UNC5D: variants seen among roughly 807,000 people sequenced by gnomAD.
The protein encoded by UNC5D is netrin receptor UNC5D.
A neutral mutation model predicts 105.4 loss-of-function variants in UNC5D; 39 were observed. The observed-to-expected ratio is 0.37, with a 90% CI of 0.29 to 0.48. The LOEUF (loss-of-function observed/expected upper bound fraction) is 0.48, where lower values mean the gene tolerates loss of function less well. Among genes scored for constraint, UNC5D ranks in the 20% least tolerant of loss-of-function variants. The pLI, the probability that UNC5D is intolerant of heterozygous loss-of-function variation, is 0.98. For missense variants in UNC5D, 991 were observed against 1,202.4 expected (o/e 0.82, Z 2.60); for synonymous variants, 452 against 450.4 (o/e 1.00, Z -0.04).
At chr8:35,284,590 T>C (rs1015795765) in intron 1 of UNC5D, among the ~76,000 whole-genome samples, 2 of 152,202 alleles carry the variant, frequency 1.3e-5, no homozygotes, top group African/African-American at 4.8e-5. Context: ...AGTCTCACTC[T>C]GTCGCCCAGG....
At chr8:35,508,999 T>G (rs1271537051) in intron 1 of UNC5D, among the ~76,000 whole-genome samples, 2 of 152,220 alleles carry the variant, frequency 1.3e-5, no homozygotes. Flanking sequence ...AAAAATTACT[T>G]ATTTTCTTTG....
chr8:35,651,741 T>C (rs1823416725), intron 4 of UNC5D, among the ~76,000 whole-genome samples: 2 of 152,174 alleles, frequency 1.3e-5, no homozygotes, highest in South Asian at 2.1e-4. Context: ...TAGTTTTGAA[T>C]TTTGTATAGG....
intron 1 of UNC5D, among the ~76,000 whole-genome samples, chr8:35,458,372 G>A (rs1280516028): frequency 5.3e-5 from 8 of 152,116 alleles, no homozygotes; most frequent in African/African-American, 1.7e-4. Flanking sequence ...TCTTGACCCT[G>A]ACAGTTGCTT....
intron 9 of UNC5D, chr8:35,724,065 A>G: frequency 1.5e-6 from 2 of 1,295,828 alleles, no homozygotes; most frequent in Non-Finnish European, 2.0e-6. Context: ...TTACCCTAGT[A>G]CAGGATGCCA....
intron 4 of UNC5D, among the ~76,000 whole-genome samples, chr8:35,618,914 C>G (rs1014784647): frequency 6.6e-6 from 1 of 152,174 alleles, no homozygotes; most frequent in African/African-American, 2.4e-5. Context: ...CCCCTCCACA[C>G]CCCCATTGGT....
At chr8:35,257,248 C>A (rs115665856) in intron 1 of UNC5D, among the ~76,000 whole-genome samples, 2 of 152,068 alleles carry the variant, frequency 1.3e-5, no homozygotes, top group South Asian at 4.1e-4. Context: ...AGATTACAGG[C>A]GTCAGCCAAC....
intron 1 of UNC5D, among the ~76,000 whole-genome samples, chr8:35,269,478 C>T (rs982056657): frequency 1.1e-4 from 17 of 152,204 alleles, no homozygotes; most frequent in African/African-American, 2.9e-4. Context: ...GCAGCTCCCA[C>T]GGTCACCATT....
At chr8:35,717,221 G>A (rs546119885) in intron 8 of UNC5D, among the ~76,000 whole-genome samples, 99 of 152,278 alleles carry the variant, frequency 6.5e-4, no homozygotes, top group African/African-American at 2.2e-3. Context: ...AAAGGTACTC[G>A]CTACGCTCCT....
intron 1 of UNC5D, among the ~76,000 whole-genome samples, chr8:35,311,123 TA>T (rs1185285751): frequency 6.6e-6 from 1 of 151,886 alleles, no homozygotes; most frequent in Non-Finnish European, 1.5e-5. Context: ...TACAATTTCA[TA>T]AAAGGAGAGG....
Position 35,726,180 on chromosome 8 carries a change from G to A in UNC5D, c.1332G>A (p.Met444Ile). ...ACTCCCTGCTCCTGAATTCTGCCAT[G>A]CAGCCAGATCTGACAGTGAGCCGGA... is the stretch of plus-strand genomic sequence containing the variant. The part of the protein sequence containing the change: ...QGNSLLLNSA[M>I]QPDLTVSRTY... Residue 444 changes from methionine to isoleucine, a missense_variant, in exon 10 of 17, where the codon ATG becomes ATA. By Grantham distance (10) the Met-to-Ile change is conservative (BLOSUM62 1). Coordinates refer to ENST00000404895, the MANE Select transcript of UNC5D (RefSeq NM_080872.4). The A allele has an allele frequency of 6.2e-7, 1 of 1,612,004 alleles. No individual in the cohort carries two copies. Among genetic ancestry groups the A allele is most frequent in the Non-Finnish European group, 8.5e-7 (1 of 1,178,542 alleles).
chr8:35,563,803 T>G (rs146819250), intron 2 of UNC5D, among the ~76,000 whole-genome samples: 1 of 152,278 alleles, frequency 6.6e-6, no homozygotes, highest in Non-Finnish European at 1.5e-5. Context: ...TGTATAATTT[T>G]TCGAGGTTTT....
chr8:35,726,524 A>G lies in UNC5D; in HGVS notation c.1676A>G (p.Asn559Ser). ...GHLGGRLVMP[N>S]TGVSLLIPHG... ...TTAGGGGGGCGCTTAGTAATGCCAA[A>G]TACAGGTGGGTGGTAAGTGTGTGTT... Residue 559 changes from asparagine (N) to serine (S), a missense_variant, in exon 10 of 17, where the codon AAT (asparagine) becomes AGT (serine). Physicochemically the swap from Asn to Ser is conservative, Grantham distance 46 (BLOSUM62 1). Coordinates refer to ENST00000404895, the MANE Select transcript of UNC5D (RefSeq NM_080872.4). The G allele has an allele frequency of 1.2e-6, 2 of 1,611,714 alleles. No homozygotes were observed. Among genetic ancestry groups the G allele is most frequent in the South Asian group, 2.2e-5 (2 of 91,066 alleles).
intron 1 of UNC5D, among the ~76,000 whole-genome samples, chr8:35,411,812 C>T: frequency 6.6e-6 from 1 of 151,940 alleles, no homozygotes; most frequent in East Asian, 1.9e-4. Context: ...CAATGTTTAT[C>T]GGAAGTACCC....
intron 1 of UNC5D, among the ~76,000 whole-genome samples, chr8:35,296,524 A>G (rs1365585746): frequency 6.6e-6 from 1 of 152,070 alleles, no homozygotes; most frequent in East Asian, 1.9e-4. Context: ...GGTTCAAGCA[A>G]TTCTTCTGCC....
intron 1 of UNC5D, among the ~76,000 whole-genome samples, chr8:35,495,458 C>CAAAAAAAAAAAAAAAA (rs71547636): frequency 2.9e-4 from 13 of 44,602 alleles, no homozygotes; most frequent in Admixed American, 3.5e-4. Flanking sequence ...ACAACAACAA[C>CAAAAAAAAAAAAAAAA]AAAAAAAAAA....
intron 1 of UNC5D, among the ~76,000 whole-genome samples, chr8:35,452,198 T>G (rs1808200337): frequency 6.6e-6 from 1 of 152,220 alleles, no homozygotes; most frequent in Non-Finnish European, 1.5e-5. Context: ...TATTAATTCT[T>G]TAGAATATCA....
At chr8:35,235,968 G>T in intron 1 of UNC5D, 81 bp downstream of exon 1, 1 of 1,166,886 alleles carries the variant, frequency 8.6e-7, no homozygotes, top group Non-Finnish European at 1.1e-6. Context: ...CACCGATGGC[G>T]TTGGCTTCCC....
chr8:35,794,803 A>C lies in UNC5D; in HGVS notation c.*4240A>C, dbSNP rs1803192838. 1 of 152,240 alleles carries C rather than the reference A, an allele frequency of 6.6e-6. No individual in the cohort carries two copies. 9.4% of individuals were successfully genotyped at this position (152,240 alleles called of 1,614,324 possible). ...AGCCAGTGTCTACCATGAACTCCTG[A>C]CATCCCCACTCCAGGGTCATTCATG... On this transcript the variant is annotated 3_prime_UTR_variant, in exon 17 of 17. Coordinates refer to ENST00000404895, the MANE Select transcript of UNC5D (RefSeq NM_080872.4).
chr8:35,393,062 A>G (rs1237274071), intron 1 of UNC5D, among the ~76,000 whole-genome samples: 1 of 148,944 alleles, frequency 6.7e-6, no homozygotes, highest in African/African-American at 2.5e-5. Context: ...TCCCATGAGG[A>G]CCTGGGAAAC....
Sources: gnomAD v4.1 joint callset for allele counts (sites outside exome capture counted in the v4.1 genomes callset) on GRCh38, gnomAD v4.1.1 for gene constraint, MANE v1.5 for transcripts, NCBI Gene and HGNC (gene_info 2026-07-23, HGNC 2026-07-21) for gene names.